GPR157: variants seen among roughly 807,000 people sequenced by gnomAD.
GPR157 encodes G protein-coupled receptor 157.
In GPR157, 16 loss-of-function variants were observed where a neutral mutation model predicts 23.5. The observed-to-expected ratio is 0.68, with a 90% CI of 0.46 to 1.04. The LOEUF (loss-of-function observed/expected upper bound fraction) is 1.04. Among genes scored for constraint, GPR157 ranks in the 50% least tolerant of loss-of-function variants. The pLI is 0.00. For missense variants in GPR157, 440 were observed against 460.7 expected (o/e 0.96, Z 0.41); for synonymous variants, 200 against 221.5 (o/e 0.90, Z 0.86).
rs1639014743 is a variant in GPR157, at chr1:9,128,519, C to T, written c.383+126G>A. ...CGCTGGCCCAGGACAGCCTCGGGGG[C>T]GCCAGCAGGCACTGCTTGCTGTGGG... On this transcript the variant is annotated intron_variant, in intron 1 of 3. Transcript: ENST00000377411. This position sits in a 1 kb window ranked among gnomAD's most constrained non-coding sequence, Gnocchi z 6.3. The T allele has an allele frequency of 1.1e-6, 1 of 894,274 alleles. No individual in the cohort carries two copies. Among genetic ancestry groups the T allele is most frequent in the Non-Finnish European group, 1.8e-6 (1 of 570,166 alleles). The allele number at this position is 894,274 out of a possible 1,614,324, so 55.4% of individuals were successfully genotyped here.
At chr1:9,107,513 A>G (rs899525260) in intron 2 of GPR157, among the ~76,000 whole-genome samples, 2 of 152,062 alleles carry the variant, frequency 1.3e-5, no homozygotes, top group Non-Finnish European at 2.9e-5. Flanking sequence ...GGCCAGGAGC[A>G]GTGGCTCATG....
intron 1 of GPR157, among the ~76,000 whole-genome samples, chr1:9,127,594 A>G (rs938217253): frequency 6.6e-6 from 1 of 152,208 alleles, no homozygotes; most frequent in Admixed American, 6.5e-5. Flanking sequence ...ACAGCTGAGA[A>G]GCAGGTCACT....
In GPR157 at chr1:9,105,937, C is replaced by T. The variant is rs1638307090; in HGVS notation, c.598-257G>A. Among the ~76,000 whole-genome samples, 1 of 152,172 alleles carries T rather than the reference C, an allele frequency of 6.6e-6. No homozygotes were observed. The highest frequency in any genetic ancestry group is 1.5e-5 in the Non-Finnish European group (1 of 68,024). ...TGGATCTTGACCCCTGAGGCCAATGCTCCCTTCCCAGTCTCAGCTCATGGA... is the reference window on the plus strand; with the variant it reads ...TGGATCTTGACCCCTGAGGCCAATGTTCCCTTCCCAGTCTCAGCTCATGGA... On this transcript the variant is annotated intron_variant, in intron 2 of 3. Transcript: ENST00000377411. This position sits in a 1 kb window ranked among gnomAD's most constrained non-coding sequence, Gnocchi z 4.8.
chr1:9,107,003 C>A (rs532357495), intron 2 of GPR157, among the ~76,000 whole-genome samples: 3 of 152,142 alleles, frequency 2.0e-5, no homozygotes, highest in African/African-American at 7.2e-5. Context: ...AATAACTGCA[C>A]GTGCACTTCC....
Position 9,101,480 on chromosome 1 carries a change from C to G in GPR157, c.*2939G>C, listed in dbSNP as rs113625013. ...GAGGCGATATTGCTGTTTTCGAGGT[C>G]GATGGGCCAGGGGCCTGGGCTAAGG... On this transcript the variant is annotated 3_prime_UTR_variant, in exon 4 of 4. Coordinates refer to ENST00000377411, the MANE Select transcript of GPR157 (RefSeq NM_024980.5). The G allele has an allele frequency of 1.3e-5, 2 of 152,248 alleles. No individual in the cohort carries two copies. Among genetic ancestry groups the G allele is most frequent in the Non-Finnish European group, 2.9e-5 (2 of 68,090 alleles). 9.4% of individuals were successfully genotyped at this position (152,248 alleles called of 1,614,324 possible).
rs569209708 is a variant in GPR157 at position 9,114,998 on chromosome 1, G to A, written c.384-3509C>T. Among the ~76,000 whole-genome samples, 13 of 152,006 alleles carry A rather than the reference G, an allele frequency of 8.6e-5. No homozygotes were observed. The South Asian group carries it at 2.1e-3, about 24-fold the overall frequency. ...GAGGGGTTGTTTGAACACACAGAAG[G>A]AGCAGCTGTGTGAGGGCCAGAAGCT... On this transcript the variant is annotated intron_variant, in intron 1 of 3. Coordinates refer to ENST00000377411, the MANE Select transcript of GPR157 (RefSeq NM_024980.5).
In GPR157 at chr1:9,128,321, A is replaced by G. The variant is rs1333965594; in HGVS notation, c.383+324T>C. The G allele has an allele frequency of 1.7e-6, 1 of 596,232 alleles. No homozygotes were observed. Among genetic ancestry groups the G allele is most frequent in the Non-Finnish European group, 3.2e-6 (1 of 317,208 alleles). 36.9% of individuals were successfully genotyped at this position (596,232 alleles called of 1,614,324 possible). A position where few individuals can be genotyped will look rare whatever the true frequency, so the allele number is the denominator to read the frequency against. ...TGGGCAGCAGAGACAGCCAGGACAC[A>G]GTGAAGCAGGTCACAAGGGGCTCAG... On this transcript the variant is annotated intron_variant, in intron 1 of 3. Coordinates refer to ENST00000377411, the MANE Select transcript of GPR157 (RefSeq NM_024980.5). This position sits in a 1 kb window ranked among gnomAD's most constrained non-coding sequence, Gnocchi z 6.3.
chr1:9,127,402 C>T (rs767083904), intron 1 of GPR157, among the ~76,000 whole-genome samples: 18 of 152,156 alleles, frequency 1.2e-4, no homozygotes, highest in Non-Finnish European at 2.1e-4. Context: ...GGTACAGCCT[C>T]GACTCCTTCC....
At chr1:9,116,988 G>A (rs942096175) in intron 1 of GPR157, among the ~76,000 whole-genome samples, 16 of 151,812 alleles carry the variant, frequency 1.1e-4, no homozygotes, top group Non-Finnish European at 1.8e-4. Context: ...TTATCTTCTC[G>A]CCCTGGCCTC....
At chr1:9,123,255 T>TATTTA (rs368792088) in intron 1 of GPR157, among the ~76,000 whole-genome samples, 102 of 23,136 alleles carry the variant, frequency 4.4e-3, no homozygotes, top group South Asian at 0.013. Context: ...TTTAAATATA[T>TATTTA]ATTTAAATAT....
At chr1:9,123,565 A>AATATATATATTTAAT (rs1353760199) in intron 1 of GPR157, among the ~76,000 whole-genome samples, 1 of 106,770 alleles carries the variant, frequency 9.4e-6, no homozygotes, top group African/African-American at 4.0e-5. Context: ...ATATATTTAA[A>AATATATATATTTAAT]TATATTTTAA....
intron 1 of GPR157, among the ~76,000 whole-genome samples, chr1:9,124,372 G>A (rs1393590354): frequency 6.6e-6 from 1 of 152,184 alleles, no homozygotes; most frequent in Non-Finnish European, 1.5e-5. Flanking sequence ...AGGTTGGACT[G>A]CCAGAATGAG....
rs536058653 is a variant in GPR157 at position 9,118,189 on chromosome 1, T to C, written c.384-6700A>G. ...AAAAGTCTTGAAGAGGACCTGGTGG[T>C]GGAGAAGTGGTTAGATGCCGGAGGA... On this transcript the variant is annotated intron_variant, in intron 1 of 3. Transcript: ENST00000377411. This position sits in a 1 kb window ranked among gnomAD's most constrained non-coding sequence, Gnocchi z 4.6. 2.9e-4 allele frequency among the ~76,000 whole-genome samples: 44 copies of C among 152,018 alleles called. No individual in the cohort carries two copies. The highest frequency in any genetic ancestry group is 6.6e-4 in the Admixed American group (10 of 15,254).
chr1:9,123,262 ATATATATAT>A (rs1638851213), intron 1 of GPR157, among the ~76,000 whole-genome samples: 2 of 19,852 alleles, frequency 1.0e-4, no homozygotes, highest in African/African-American at 5.5e-4. Flanking sequence ...ATATATTTAA[ATATATATAT>A]TTAAATATAT....
chr1:9,114,745 T>C (rs1638598414), intron 1 of GPR157, among the ~76,000 whole-genome samples: 1 of 151,808 alleles, frequency 6.6e-6, no homozygotes, highest in Non-Finnish European at 1.5e-5. Context: ...CAGAGGGTTT[T>C]GAAAGGGTTA....
At chr1:9,115,199 CAT>C (rs1190149752) in intron 1 of GPR157, among the ~76,000 whole-genome samples, 4 of 152,246 alleles carry the variant, frequency 2.6e-5, no homozygotes, top group East Asian at 1.9e-4. Context: ...TCCAGAAAAA[CAT>C]AGACGTGTGC....
In GPR157 at chr1:9,105,034, AACACACACACACACAC is replaced by A. The variant is rs199973020; in HGVS notation, c.793-416_793-401del. Among the ~76,000 whole-genome samples, 8 of 116,966 alleles carry A rather than the reference AACACACACACACACAC, an allele frequency of 6.8e-5. No individual in the cohort carries two copies. Among genetic ancestry groups the A allele is most frequent in the Admixed American group, 2.7e-4 (3 of 11,008 alleles). 76.7% of individuals were successfully genotyped at this position (116,966 alleles called of 152,430 possible). On this transcript the variant is annotated intron_variant, in intron 3 of 3. Transcript: ENST00000377411. This position sits in a 1 kb window ranked among gnomAD's most constrained non-coding sequence, Gnocchi z 4.8. Reference sequence around the variant, plus strand: ...CCCCAAAAAAGAGAAATGGCTGAGAAACACACACACACACACACACACACACACACACACATGCATA... The same window carrying A: ...CCCCAAAAAAGAGAAATGGCTGAGAAACACACACACACACACACATGCATA...
chr1:9,123,192 T>TATATATATATATATATGA (rs1389305702), intron 1 of GPR157, among the ~76,000 whole-genome samples: 1 of 127,204 alleles, frequency 7.9e-6, no homozygotes, highest in African/African-American at 3.1e-5. Context: ...TATATATATA[T>TATATATATATATATATGA]AAATAAAATT....
rs543414672 is a variant in GPR157 at position 9,126,162 on chromosome 1, T to G, written c.383+2483A>C. On this transcript the variant is annotated intron_variant, in intron 1 of 3. Transcript: ENST00000377411. ...TAGTAGAGACGCGGTTTTGCCATGT[T>G]GGCCAGGCTGGTCTCAAACTCCTGA... Among the ~76,000 whole-genome samples, 65 of 152,276 alleles carry G rather than the reference T, an allele frequency of 4.3e-4. 1 individual carries two copies. The highest frequency in any genetic ancestry group is 1.5e-3 in the African/African-American group (62 of 41,550).
Sources: gnomAD v4.1 joint callset for allele counts (sites outside exome capture counted in the v4.1 genomes callset) on GRCh38, gnomAD v4.1.1 for gene constraint, Gnocchi (gnomAD v3.1) non-coding constraint, MANE v1.5 for transcripts, NCBI Gene and HGNC (gene_info 2026-07-23, HGNC 2026-07-21) for gene names.